SLC24A5: variants seen among roughly 807,000 people sequenced by gnomAD.
SLC24A5 encodes solute carrier family 24 member 5.
SLC24A5 carries 46 observed loss-of-function variants against 51.6 expected under a neutral mutation model. That is an observed-to-expected ratio of 0.89 (90% CI 0.70 to 1.14). The LOEUF (loss-of-function observed/expected upper bound fraction) is 1.14, where lower values mean the gene tolerates loss of function less well. Among genes scored for constraint, SLC24A5 ranks in the 50% most tolerant of loss-of-function variants. The probability of loss-of-function intolerance (pLI) is 0.00; values close to 1 mark genes in which losing one functional copy is unlikely to be tolerated. For synonymous variants in SLC24A5, 230 were observed against 214.9 expected (o/e 1.07, Z -0.62); for missense variants, 581 against 604.1 (o/e 0.96, Z 0.40).
At position 48,136,843 on chromosome 15, in the gene SLC24A5, G is replaced by A. The variant is rs1163215253; in HGVS notation, c.751G>A (p.Glu251Lys). 2 of 1,613,790 alleles carry A rather than the reference G, an allele frequency of 1.2e-6. No homozygotes were observed. The highest frequency in any genetic ancestry group is 1.1e-5 in the South Asian group (1 of 91,044). The change falls in exon 6 of 9, where the codon GAA becomes AAA. Residue 251 changes from glutamate to lysine, a missense_variant. Physicochemically the swap from Glu to Lys is moderately conservative, Grantham distance 56 (BLOSUM62 1). Coordinates refer to ENST00000341459, the MANE Select transcript of SLC24A5 (RefSeq NM_205850.3). ...RSEQQPLMGW[E>K]DEGQPFIRRQ... ...TGAACAACAGCCACTGATGGGCTGG[G>A]AAGATGAAGGTCAACCATTCATTCG...
At chr15:48,122,382 A>G in intron 2 of SLC24A5, 1 of 390,264 alleles carries the variant, frequency 2.6e-6, no homozygotes, top group East Asian at 3.8e-5. Context: ...AACTCCTAAT[A>G]TTTGCCATTT....
At chr15:48,127,364 A>T (rs1201661179) in intron 2 of SLC24A5, among the ~76,000 whole-genome samples, 1 of 152,248 alleles carries the variant, frequency 6.6e-6, no homozygotes, top group Admixed American at 6.5e-5. Flanking sequence ...TTTTGGAGCA[A>T]ATAACCAAAT....
chr15:48,139,912 T>C (rs1028560716), intron 7 of SLC24A5: 2 of 152,118 alleles, frequency 1.3e-5, no homozygotes, highest in African/African-American at 2.4e-5. Context: ...TTATCTATGA[T>C]TGTTTTCACA....
At chr15:48,122,304 ATGTT>A (rs1373893981) in intron 2 of SLC24A5, 5 of 580,816 alleles carry the variant, frequency 8.6e-6, no homozygotes, top group Non-Finnish European at 1.5e-5. Flanking sequence ...TACTGCCTGG[ATGTT>A]TGTTATAAGA....
chr15:48,135,181 C>A (rs1397994265), intron 5 of SLC24A5, 197 bp downstream of exon 5: 2 of 444,160 alleles, frequency 4.5e-6, no homozygotes, highest in African/African-American at 2.0e-5. Flanking sequence ...TTCTTAATCA[C>A]TTCACAGTCT....
At chr15:48,124,363 GTC>G (rs2038710168) in intron 2 of SLC24A5, 1 of 151,164 alleles carries the variant, frequency 6.6e-6, no homozygotes, top group African/African-American at 2.4e-5. Flanking sequence ...ATGTAGATCT[GTC>G]TCTATGCTCC....
chr15:48,137,862 C>G (rs1485406919), intron 6 of SLC24A5: 1 of 152,034 alleles, frequency 6.6e-6, no homozygotes, highest in South Asian at 2.1e-4. Flanking sequence ...TAAATAGGTT[C>G]AGTAGGAAGT....
intron 2 of SLC24A5, among the ~76,000 whole-genome samples, chr15:48,130,358 G>A (rs1163930977): frequency 6.6e-6 from 1 of 152,058 alleles, no homozygotes; most frequent in Non-Finnish European, 1.5e-5. Context: ...AATATTCTTA[G>A]AACATTAAGA....
intron 2 of SLC24A5, among the ~76,000 whole-genome samples, chr15:48,129,372 G>C (rs970908553): frequency 6.6e-6 from 1 of 151,984 alleles, no homozygotes; most frequent in Admixed American, 6.6e-5. Context: ...AACCAGTTTT[G>C]CAAATCACAA....
intron 2 of SLC24A5, among the ~76,000 whole-genome samples, chr15:48,131,637 C>A (rs1399788328): frequency 6.6e-6 from 1 of 152,134 alleles, no homozygotes; most frequent in Non-Finnish European, 1.5e-5. Context: ...CAATCTTGAA[C>A]TTTTCCAGAC....
At chr15:48,137,065 G>C (rs1286906643) in intron 6 of SLC24A5, 102 bp downstream of exon 6, 2 of 1,236,038 alleles carry the variant, frequency 1.6e-6, no homozygotes, top group Non-Finnish European at 2.2e-6. Flanking sequence ...ATGTAAAAAA[G>C]ACTGTGAAGA....
intron 2 of SLC24A5, among the ~76,000 whole-genome samples, chr15:48,127,634 C>T (rs919549749): frequency 1.6e-4 from 24 of 152,230 alleles, no homozygotes; most frequent in African/African-American, 5.8e-4. Context: ...GCCTGGCCAA[C>T]ATGGTAAAAC....
chr15:48,136,869 T>A lies in SLC24A5; in HGVS notation c.777T>A (p.Arg259=), dbSNP rs768346861. Residue 259 remains arginine, a synonymous_variant, in exon 6 of 9, where the codon CGT becomes CGA. Transcript: ENST00000341459. ...AAGATGAAGGTCAACCATTCATTCG[T>A]CGGCAATCAAGAACTGATAGTGGAA... ...GWEDEGQPFI[R]RQSRTDSGIF... is the part of the protein sequence containing the mutation. The A allele has an allele frequency of 2.0e-5, 33 of 1,613,788 alleles. No homozygotes were observed. The highest frequency in any genetic ancestry group is 2.7e-5 in the Non-Finnish European group (32 of 1,179,844).
chr15:48,140,304 C>T (rs1455755940), intron 7 of SLC24A5: 1 of 151,400 alleles, frequency 6.6e-6, no homozygotes, highest in African/African-American at 2.4e-5. Flanking sequence ...CAACCAATTC[C>T]AATTCCAATA....
intron 4 of SLC24A5, 29 bp downstream of exon 4, chr15:48,134,567 T>C: frequency 6.4e-7 from 1 of 1,557,282 alleles, no homozygotes; most frequent in Non-Finnish European, 8.8e-7. Context: ...CAACAAAATG[T>C]ATTGTCTTAA....
At position 48,121,845 on chromosome 15, in the gene SLC24A5, T is replaced by A; in HGVS notation, c.122-12T>A. The A allele has an allele frequency of 6.2e-7, 1 of 1,613,918 alleles. No individual in the cohort carries two copies. The highest frequency in any genetic ancestry group is 1.7e-5 in the Admixed American group (1 of 60,012). ...CAAACTCTTCAAACTTTCACCTCCT[T>A]TTCCTTAACAGGAAATAGCACCCAA... On this transcript the variant is annotated splice_polypyrimidine_tract_variant and intron_variant, in intron 1 of 8. Transcript: ENST00000341459.
At chr15:48,129,937 G>C (rs745350764) in intron 2 of SLC24A5, among the ~76,000 whole-genome samples, 5 of 151,966 alleles carry the variant, frequency 3.3e-5, no homozygotes, top group Non-Finnish European at 7.4e-5. Flanking sequence ...CTGAATCCAG[G>C]TCTCAGTTTT....
chr15:48,131,006 C>T (rs183780070), intron 2 of SLC24A5, among the ~76,000 whole-genome samples: 10 of 152,136 alleles, frequency 6.6e-5, no homozygotes, highest in Admixed American at 6.6e-4. Flanking sequence ...ATTTTACCTC[C>T]TGGGCCTGTT....
rs1413518628 is a variant in SLC24A5, at chr15:48,139,189, G to A, written c.1078+14G>A. The A allele has an allele frequency of 1.3e-6, 2 of 1,588,400 alleles. No individual in the cohort carries two copies. The highest frequency in any genetic ancestry group is 2.7e-5 in the African/African-American group (2 of 74,344). On this transcript the variant is annotated intron_variant, in intron 7 of 8. Transcript: ENST00000341459. ...TCACAATAACTGGTATGTATTTTAA[G>A]TACAATAGCACAACTTGAAAATATT...
Sources: allele counts gnomAD v4.1 joint callset (sites outside exome capture counted in the v4.1 genomes callset), GRCh38; gene constraint gnomAD v4.1.1; transcripts MANE v1.5; gene names NCBI Gene and HGNC (gene_info 2026-07-23, HGNC 2026-07-21).